Variants in GRIA4 observed in about 807,000 individuals in gnomAD.
GRIA4 encodes the protein glutamate receptor 4.
GRIA4 carries 34 observed loss-of-function variants against 104.0 expected under a neutral mutation model. That is an observed-to-expected ratio of 0.33 (90% confidence interval 0.25 to 0.44). GRIA4 has a LOEUF of 0.44. GRIA4 is among the 20% of genes least tolerant of loss of function. The probability of loss-of-function intolerance (pLI) is 1.00; values close to 1 mark genes in which losing one functional copy is unlikely to be tolerated. For missense variants in GRIA4, 750 were observed against 1,096.5 expected (o/e 0.68, Z 4.46); for synonymous variants, 386 against 381.9 (o/e 1.01, Z -0.13).
chr11:105,812,783 A>C (rs1267848319), intron 4 of GRIA4, among the ~76,000 whole-genome samples: 20 of 152,118 alleles, frequency 1.3e-4, no homozygotes, highest in Non-Finnish European at 2.2e-4. Context: ...AAGATTATGA[A>C]AAAGGGCTTT....
chr11:105,775,136 A>C (rs978397666), intron 4 of GRIA4, among the ~76,000 whole-genome samples: 1 of 151,924 alleles, frequency 6.6e-6, no homozygotes, highest in South Asian at 2.1e-4. Context: ...AGCATCTTCA[A>C]ATCTCTCCCA....
chr11:105,748,854 G>A (rs539302564), intron 3 of GRIA4, among the ~76,000 whole-genome samples: 3 of 152,278 alleles, frequency 2.0e-5, no homozygotes, highest in South Asian at 2.1e-4. Context: ...TCACTGAGGC[G>A]CAGAAGAGGC....
intron 9 of GRIA4, among the ~76,000 whole-genome samples, chr11:105,909,095 C>T (rs1002770277): frequency 6.6e-6 from 1 of 152,062 alleles, no homozygotes; most frequent in Non-Finnish European, 1.5e-5. Context: ...AATTTTGGAT[C>T]AAACCAAGAA....
At chr11:105,635,257 G>A (rs559927053) in intron 3 of GRIA4, among the ~76,000 whole-genome samples, 34 of 152,154 alleles carry the variant, frequency 2.2e-4, no homozygotes, top group Non-Finnish European at 4.0e-4. Flanking sequence ...GAAATTAACT[G>A]CCTAAGAGTA....
intron 4 of GRIA4, among the ~76,000 whole-genome samples, chr11:105,780,033 AAG>A (rs1463060622): frequency 6.6e-6 from 1 of 152,134 alleles, no homozygotes; most frequent in East Asian, 1.9e-4. Flanking sequence ...ATAGTTCTCA[AAG>A]AGATAATTGC....
At chr11:105,837,963 C>T (rs1249381598) in intron 4 of GRIA4, among the ~76,000 whole-genome samples, 1 of 152,102 alleles carries the variant, frequency 6.6e-6, no homozygotes, top group Non-Finnish European at 1.5e-5. Context: ...CACTCTGCTC[C>T]TCTTATTTGA....
intron 7 of GRIA4, among the ~76,000 whole-genome samples, chr11:105,899,446 A>G (rs1353876900): frequency 6.6e-6 from 1 of 152,208 alleles, no homozygotes; most frequent in Non-Finnish European, 1.5e-5. Context: ...CACAGGATAT[A>G]ATTATTTTAA....
intron 3 of GRIA4, among the ~76,000 whole-genome samples, chr11:105,635,014 G>C (rs1198045722): frequency 3.3e-5 from 5 of 152,158 alleles, no homozygotes; most frequent in Non-Finnish European, 5.9e-5. Context: ...CACATGTATA[G>C]TACTTCACAG....
chr11:105,925,244 A>G (rs977713171), intron 12 of GRIA4, among the ~76,000 whole-genome samples: 2 of 152,150 alleles, frequency 1.3e-5, no homozygotes, highest in African/African-American at 4.8e-5. Flanking sequence ...TAGGTACCAG[A>G]TATACATTGT....
chr11:105,833,814 A>T (rs1944074383), intron 4 of GRIA4, among the ~76,000 whole-genome samples: 1 of 151,986 alleles, frequency 6.6e-6, no homozygotes, highest in African/African-American at 2.4e-5. Flanking sequence ...ACCTATCCAC[A>T]ACCATATTCC....
At chr11:105,912,503 G>GA (rs1206518030) in intron 10 of GRIA4, 5 of 641,020 alleles carry the variant, frequency 7.8e-6, no homozygotes, top group Non-Finnish European at 7.7e-6. Flanking sequence ...AAAAATGACT[G>GA]AAAAAATCCA....
chr11:105,681,045 T>C (rs1301126051), intron 3 of GRIA4, among the ~76,000 whole-genome samples: 3 of 152,192 alleles, frequency 2.0e-5, no homozygotes, highest in Non-Finnish European at 2.9e-5. Context: ...CTTATAGTAC[T>C]GGTATACTTC....
At chr11:105,950,494 C>G (rs1325494672) in intron 14 of GRIA4, among the ~76,000 whole-genome samples, 1 of 151,566 alleles carries the variant, frequency 6.6e-6, no homozygotes, top group Non-Finnish European at 1.5e-5. Context: ...TCTTGGGACC[C>G]AAGATTACAT....
rs1941884652 is a variant in GRIA4 at position 105,784,809 on chromosome 11, C to T, written c.487+31589C>T. ...AAGAAAGGGACCTGTTAAAGCAAAACATAACCCTTTTGCAAAGAAAAAAAT... is the reference window on the plus strand; with the variant it reads ...AAGAAAGGGACCTGTTAAAGCAAAATATAACCCTTTTGCAAAGAAAAAAAT... On this transcript the variant is annotated intron_variant, in intron 4 of 16. Transcript: ENST00000282499. Among the ~76,000 whole-genome samples the T allele has an allele frequency of 3.3e-5, 5 of 152,244 alleles. No homozygotes were observed. The South Asian group carries it at 1.0e-3, about 32-fold the overall frequency.
chr11:105,639,718 T>G (rs1951305384), intron 3 of GRIA4, among the ~76,000 whole-genome samples: 1 of 152,004 alleles, frequency 6.6e-6, no homozygotes, highest in Non-Finnish European at 1.5e-5. Flanking sequence ...ATTAAATTAC[T>G]TTCCTAAAGT....
At chr11:105,677,196 A>G (rs1184174506) in intron 3 of GRIA4, among the ~76,000 whole-genome samples, 1 of 151,860 alleles carries the variant, frequency 6.6e-6, no homozygotes, top group Non-Finnish European at 1.5e-5. Flanking sequence ...TTGCAAAGTT[A>G]ATAATTAAGC....
At chr11:105,940,821 T>C (rs1426494578) in intron 14 of GRIA4, among the ~76,000 whole-genome samples, 1 of 92,286 alleles carries the variant, frequency 1.1e-5, no homozygotes, top group Non-Finnish European at 2.3e-5. Context: ...GATTCACATT[T>C]AATTTAAAAA....
intron 3 of GRIA4, among the ~76,000 whole-genome samples, chr11:105,694,532 CATAA>C (rs1167192653): frequency 6.6e-5 from 10 of 151,972 alleles, no homozygotes; most frequent in African/African-American, 2.2e-4. Flanking sequence ...ATATAATCAA[CATAA>C]ATATTATTAA....
chr11:105,858,732 C>T (rs1945110018), intron 4 of GRIA4, among the ~76,000 whole-genome samples: 2 of 152,158 alleles, frequency 1.3e-5, no homozygotes, highest in South Asian at 4.1e-4. Flanking sequence ...TAACTTTTAG[C>T]TCCTATAAAT....
Sources: allele counts gnomAD v4.1 joint callset (sites outside exome capture counted in the v4.1 genomes callset), GRCh38; gene constraint gnomAD v4.1.1; transcripts MANE v1.5; gene names NCBI Gene and HGNC (gene_info 2026-07-23, HGNC 2026-07-21).